The following DNAJC24 variants were observed in gnomAD, a reference collection of about 807,000 sequenced individuals.
The protein encoded by DNAJC24 is DnaJ heat shock protein family (Hsp40) member C24, also known as dnaJ homolog subfamily C member 24.
A neutral mutation model predicts 18.0 loss-of-function variants in DNAJC24; 17 were observed. The observed-to-expected ratio is 0.94, with a 90% CI of 0.65 to 1.42. DNAJC24 has a LOEUF of 1.42. Ranked by LOEUF, DNAJC24 falls within the 40% of genes most tolerant of loss-of-function variation. The probability of loss-of-function intolerance (pLI) is 0.00; values close to 1 mark genes in which losing one functional copy is unlikely to be tolerated. For synonymous variants in DNAJC24, 55 were observed against 57.7 expected, an observed-to-expected ratio of 0.95 and a Z score of 0.21; for missense variants, 158 against 175.6, an observed-to-expected ratio of 0.90 and a Z score of 0.57.
chr11:31,380,699 A>G (rs1193421714), intron 2 of DNAJC24, among the ~76,000 whole-genome samples: 1 of 152,208 alleles, frequency 6.6e-6, no homozygotes, highest in African/African-American at 2.4e-5. Flanking sequence ...AATAAAGTGT[A>G]CCTATTTTAG....
At chr11:31,407,709 AT>A (rs1366019536) in intron 2 of DNAJC24, among the ~76,000 whole-genome samples, 29 of 83,462 alleles carry the variant, frequency 3.5e-4, no homozygotes, top group East Asian at 3.1e-3. Context: ...AAAAAAAAAT[AT>A]ATATATATAT....
chr11:31,398,394 G>A (rs1266872991), intron 2 of DNAJC24, among the ~76,000 whole-genome samples: 5 of 152,114 alleles, frequency 3.3e-5, no homozygotes, highest in Non-Finnish European at 7.4e-5. Context: ...TTACATACCT[G>A]TATACCTATA....
intron 2 of DNAJC24, among the ~76,000 whole-genome samples, chr11:31,395,044 C>G (rs1008037607): frequency 7.2e-5 from 11 of 152,152 alleles, no homozygotes; most frequent in African/African-American, 1.9e-4. Context: ...CCTCCACTCT[C>G]AAGTAGGAAC....
intron 3 of DNAJC24, chr11:31,422,140 C>T (rs888062715): frequency 1.3e-5 from 3 of 233,126 alleles, no homozygotes; most frequent in African/African-American, 4.7e-5. Context: ...CAAGTAAGCA[C>T]ATACATTATT....
rs975757723 is a variant in DNAJC24, at chr11:31,430,591, T to G, written c.*190T>G. The G allele has an allele frequency of 1.4e-5, 4 of 289,940 alleles. No individual in the cohort carries two copies. Among genetic ancestry groups the G allele is most frequent in the African/African-American group, 8.8e-5 (4 of 45,544 alleles). The allele number at this position is 289,940 out of a possible 1,614,324, so 18.0% of individuals were successfully genotyped here. A position where few individuals can be genotyped will look rare whatever the true frequency, so the allele number is the denominator to read the frequency against. On this transcript the variant is annotated 3_prime_UTR_variant, in exon 5 of 5. Transcript: ENST00000465995. The stretch of plus-strand genomic sequence containing the variant: ...TAATTATTTATTTGTATTTATAATT[T>G]ATATTTACAAGTTGTCACAAAAATA...
chr11:31,385,744 A>G (rs1952422981), intron 2 of DNAJC24, among the ~76,000 whole-genome samples: 1 of 152,194 alleles, frequency 6.6e-6, no homozygotes, highest in Non-Finnish European at 1.5e-5. Context: ...GCCCAATCCT[A>G]GAGAGGAAGC....
At chr11:31,375,001 A>T (rs995394423) in intron 2 of DNAJC24, among the ~76,000 whole-genome samples, 1 of 133,660 alleles carries the variant, frequency 7.5e-6, no homozygotes, top group Non-Finnish European at 1.7e-5. Flanking sequence ...TTCTGTTACT[A>T]TCAAGGAATT....
intron 2 of DNAJC24, among the ~76,000 whole-genome samples, chr11:31,410,646 A>G (rs535295214): frequency 6.6e-6 from 1 of 152,272 alleles, no homozygotes; most frequent in Non-Finnish European, 1.5e-5. Flanking sequence ...GCCTTTATGG[A>G]TTACTTTTAT....
rs370853069 is a variant in DNAJC24, at chr11:31,399,713, C to CT, written c.112-15084dup. On this transcript the variant is annotated intron_variant, in intron 2 of 4. Coordinates refer to ENST00000465995, the MANE Select transcript of DNAJC24 (RefSeq NM_181706.5). ...AGGCGTGAGCCACCATGCCCAGCCT[C>CT]TTTTTTTTTTTTTTAACTGTTTTTT... is the stretch of plus-strand genomic sequence containing the variant. Among the ~76,000 whole-genome samples the CT allele has an allele frequency of 8.5e-3, 966 of 113,036 alleles. 9 individuals carry two copies. Among genetic ancestry groups the CT allele is most frequent in the African/African-American group, 0.023 (741 of 32,306 alleles). 74.2% of individuals were successfully genotyped at this position (113,036 alleles called of 152,430 possible).
At chr11:31,427,706 G>A (rs1004417966) in intron 4 of DNAJC24, 1 of 151,934 alleles carries the variant, frequency 6.6e-6, no homozygotes, top group Non-Finnish European at 1.5e-5. Context: ...TAATAAATTA[G>A]TTCTTGCTAT....
chr11:31,386,025 C>T (rs942957949), intron 2 of DNAJC24, among the ~76,000 whole-genome samples: 2 of 152,124 alleles, frequency 1.3e-5, no homozygotes, highest in African/African-American at 2.4e-5. Flanking sequence ...CAGAACTCAA[C>T]CAGCACCCAC....
chr11:31,402,514 T>A (rs77859557), intron 2 of DNAJC24, among the ~76,000 whole-genome samples: 3,021 of 152,254 alleles, frequency 0.02, 87 homozygotes, highest in African/African-American at 0.068. Context: ...CAAAGTTTTT[T>A]AAAAAAATTA....
At chr11:31,421,462 T>C (rs892645988) in intron 3 of DNAJC24, among the ~76,000 whole-genome samples, 1 of 152,188 alleles carries the variant, frequency 6.6e-6, no homozygotes, top group African/African-American at 2.4e-5. Flanking sequence ...GTGATGATCA[T>C]GTGAATAACA....
intron 2 of DNAJC24, among the ~76,000 whole-genome samples, chr11:31,383,887 A>G (rs1434731609): frequency 2.6e-5 from 4 of 152,188 alleles, no homozygotes; most frequent in African/African-American, 4.8e-5. Context: ...GTCCTTCTTC[A>G]GTCAGTCCCT....
intron 2 of DNAJC24, among the ~76,000 whole-genome samples, chr11:31,404,029 A>G (rs192514544): frequency 1.3e-5 from 2 of 152,282 alleles, no homozygotes; most frequent in Admixed American, 6.5e-5. Context: ...TTATAGGATA[A>G]CTTCCTGATG....
chr11:31,373,820 G>T (rs1431479916), intron 2 of DNAJC24, among the ~76,000 whole-genome samples: 1 of 134,150 alleles, frequency 7.5e-6, no homozygotes, highest in African/African-American at 2.5e-5. Context: ...ATCTTTTCTT[G>T]AATTTATTTC....
At chr11:31,394,575 C>T (rs1239027046) in intron 2 of DNAJC24, among the ~76,000 whole-genome samples, 3 of 151,354 alleles carry the variant, frequency 2.0e-5, no homozygotes, top group Non-Finnish European at 4.4e-5. Flanking sequence ...ACCCAAAATA[C>T]CATTGCACTC....
At chr11:31,407,456 G>A (rs1461662735) in intron 2 of DNAJC24, 1 of 151,752 alleles carries the variant, frequency 6.6e-6, no homozygotes, top group Non-Finnish European at 1.5e-5. Context: ...TATTCACAAG[G>A]TGGATGGATT....
intron 3 of DNAJC24, among the ~76,000 whole-genome samples, chr11:31,421,289 T>A (rs953304541): frequency 6.6e-6 from 1 of 152,210 alleles, no homozygotes; most frequent in African/African-American, 2.4e-5. Context: ...ATTAAATTAC[T>A]TGGTTTTAAG....
Sources: allele counts gnomAD v4.1 joint callset (sites outside exome capture counted in the v4.1 genomes callset), GRCh38; gene constraint gnomAD v4.1.1; transcripts MANE v1.5; gene names NCBI Gene and HGNC (gene_info 2026-07-23, HGNC 2026-07-21).